The following PRND variants were observed in gnomAD, a reference collection of about 807,000 sequenced individuals.
PRND encodes the protein prion-like protein doppel.
For missense variants in PRND, 227 were observed against 223.3 expected, an observed-to-expected ratio of 1.02 and a Z score of -0.11; for synonymous variants, 94 against 93.2, an observed-to-expected ratio of 1.01 and a Z score of -0.05.
chr20:4,723,005 G>A (rs1923149485), intron 1 of PRND, among the ~76,000 whole-genome samples: 1 of 152,182 alleles, frequency 6.6e-6, no homozygotes, highest in Admixed American at 6.5e-5. Flanking sequence ...CCCTCCTGGT[G>A]TTCCCCCAGG....
At chr20:4,723,938 A>ATGTGTGTGTG (rs78289429) in intron 1 of PRND, among the ~76,000 whole-genome samples, 12 of 146,110 alleles carry the variant, frequency 8.2e-5, no homozygotes, top group African/African-American at 3.0e-4. Flanking sequence ...TCTCTAAAAT[A>ATGTGTGTGTG]TGTGTGTGTG....
Position 4,726,191 on chromosome 20 carries a change from A to G in PRND, c.*1109A>G, listed in dbSNP as rs990962295. On this transcript the variant is annotated 3_prime_UTR_variant, in exon 2 of 2. Transcript: ENST00000305817. ...TAAGTGCTTGCTGTTCCCATCCCTG[A>G]AACATTGCATGTATTTAAGAAAAAC... is the stretch of plus-strand genomic sequence containing the variant. 3.2e-5 allele frequency: 5 copies of G among 154,602 alleles called. No individual in the cohort carries two copies. The highest frequency in any genetic ancestry group is 1.1e-4 in the African/African-American group (4 of 36,616). 9.6% of individuals were successfully genotyped at this position (154,602 alleles called of 1,614,324 possible).
chr20:4,724,956 G>A lies in PRND; in HGVS notation c.405G>A (p.Leu135=), dbSNP rs754162451. ...NKLHQQVLWR[L]VQELCSLKHC... is the part of the protein sequence containing the mutation. ...TCCACCAGCAGGTGCTCTGGCGGCT[G>A]GTCCAGGAGCTCTGCTCCCTCAAGC... Residue 135 remains leucine, a synonymous_variant, in exon 2 of 2, where the codon CTG becomes CTA. Coordinates refer to ENST00000305817, the MANE Select transcript of PRND (RefSeq NM_012409.4). The surrounding 1 kb of genome is among the most constrained non-coding windows in gnomAD (Gnocchi z 4.8). 4.6e-5 allele frequency: 75 copies of A among 1,614,104 alleles called. No individual in the cohort carries two copies. The highest frequency in any genetic ancestry group is 6.1e-5 in the Non-Finnish European group (72 of 1,180,040).
rs1601040199 is a variant in PRND at position 4,726,816 on chromosome 20, A to G, written c.*1734A>G. 6.0e-6 allele frequency: 1 copy of G among 167,122 alleles called. No individual in the cohort carries two copies. Among genetic ancestry groups the G allele is most frequent in the Admixed American group, 6.5e-5 (1 of 15,286 alleles). The allele number at this position is 167,122 out of a possible 1,614,324, so 10.4% of individuals were successfully genotyped here. A position where few individuals can be genotyped will look rare whatever the true frequency, so the allele number is the denominator to read the frequency against. ...CTATCAGTGTTCTTCTCAAGGACAC[A>G]TTTGGAAGGTTTTAACATTGAAAGT... On this transcript the variant is annotated 3_prime_UTR_variant, in exon 2 of 2. Transcript: ENST00000305817.
At position 4,725,278 on chromosome 20, in the gene PRND, G is replaced by A. The variant is rs75734116; in HGVS notation, c.*196G>A. 6,711 of 665,936 alleles carry A rather than the reference G, an allele frequency of 0.01. 259 individuals are homozygous for A. Among genetic ancestry groups the A allele is most frequent in the East Asian group, 0.074 (2,650 of 36,032 alleles). The allele number at this position is 665,936 out of a possible 1,614,324, so 41.3% of individuals were successfully genotyped here. A position where few individuals can be genotyped will look rare whatever the true frequency, so the allele number is the denominator to read the frequency against. On this transcript the variant is annotated 3_prime_UTR_variant, in exon 2 of 2. Coordinates refer to ENST00000305817, the MANE Select transcript of PRND (RefSeq NM_012409.4). ...ATAGATGGGGGACTGTGGCTTCTCC[G>A]TCACTCCATTCTCAGCCCCTAGCAG...
chr20:4,723,936 ATATGTG>A (rs1190848919), intron 1 of PRND, among the ~76,000 whole-genome samples: 1 of 104,778 alleles, frequency 9.5e-6, no homozygotes, highest in Non-Finnish European at 1.9e-5. Flanking sequence ...TGTCTCTAAA[ATATGTG>A]TGTGTGTGTG....
chr20:4,722,399 G>A (rs1326162879), intron 1 of PRND, among the ~76,000 whole-genome samples: 1 of 151,992 alleles, frequency 6.6e-6, no homozygotes, highest in Non-Finnish European at 1.5e-5. Flanking sequence ...GAGAAAGTCA[G>A]TCTGAGTTCA....
Position 4,725,298 on chromosome 20 carries a change from T to TAGC in PRND, c.*219_*221dup. 1.6e-6 allele frequency: 1 copy of TAGC among 606,904 alleles called. No homozygotes were observed. The highest frequency in any genetic ancestry group is 2.2e-5 in the South Asian group (1 of 45,966). The allele number at this position is 606,904 out of a possible 1,614,324, so 37.6% of individuals were successfully genotyped here. On this transcript the variant is annotated 3_prime_UTR_variant, in exon 2 of 2. Coordinates refer to ENST00000305817, the MANE Select transcript of PRND (RefSeq NM_012409.4). ...TCTCCGTCACTCCATTCTCAGCCCC[T>TAGC]AGCAGAGCGTCTGGCACACTAGATT...
At position 4,727,018 on chromosome 20, in the gene PRND, A is replaced by T; in HGVS notation, c.*1936A>T. ...AGAGAGCAAGAAAAAAGTACAGAAC[A>T]TATCCTCTACGGTTATTTCCTGCTT... On this transcript the variant is annotated 3_prime_UTR_variant, in exon 2 of 2. Transcript: ENST00000305817. The T allele has an allele frequency of 6.0e-6, 1 of 167,198 alleles. No individual in the cohort carries two copies. The allele number at this position is 167,198 out of a possible 1,614,324, so 10.4% of individuals were successfully genotyped here.
At chr20:4,722,445 G>A (rs985567367) in intron 1 of PRND, among the ~76,000 whole-genome samples, 1 of 150,748 alleles carries the variant, frequency 6.6e-6, no homozygotes, top group Non-Finnish European at 1.5e-5. Flanking sequence ...GGGTGAGGGG[G>A]TCCAGATGCT....
At chr20:4,723,949 T>C (rs868369418) in intron 1 of PRND, among the ~76,000 whole-genome samples, 2,668 of 90,534 alleles carry the variant, frequency 0.029, 45 homozygotes, top group South Asian at 0.12. Context: ...TGTGTGTGTG[T>C]GTGTGTGTGT....
In PRND at chr20:4,727,792, A is replaced by ATTTTTTTTTTTTTT. The variant is rs1555784206; in HGVS notation, c.*2710_*2711insTTTTTTTTTTTTTT. 2.0e-5 allele frequency: 2 copies of ATTTTTTTTTTTTTT among 101,672 alleles called. No homozygotes were observed. Among genetic ancestry groups the ATTTTTTTTTTTTTT allele is most frequent in the African/African-American group, 4.9e-5 (1 of 20,264 alleles). The allele number at this position is 101,672 out of a possible 1,614,324, so 6.3% of individuals were successfully genotyped here. On this transcript the variant is annotated 3_prime_UTR_variant, in exon 2 of 2. Coordinates refer to ENST00000305817, the MANE Select transcript of PRND (RefSeq NM_012409.4). ...CAATGCTTTCTACTCATTTTTCTAT[A>ATTTTTTTTTTTTTT]CTTTTTTTTTTGAGGCAGAGTCTCA...
chr20:4,725,014 C>T lies in PRND; in HGVS notation c.463C>T (p.Leu155Phe). 1 of 1,613,606 alleles carries T rather than the reference C, an allele frequency of 6.2e-7. No homozygotes were observed. Among genetic ancestry groups the T allele is most frequent in the Non-Finnish European group, 8.5e-7 (1 of 1,179,946 alleles). Reference sequence around the variant, plus strand: ...GTTTTGGTTGGAGAGGGGCGCAGGACTTCGGGTCACCATGCACCAGCCAGT... The same window carrying T: ...GTTTTGGTTGGAGAGGGGCGCAGGATTTCGGGTCACCATGCACCAGCCAGT... ...CEFWLERGAG[L>F]RVTMHQPVLL... The change falls in exon 2 of 2, where the codon CTT becomes TTT. Residue 155 changes from leucine to phenylalanine, a missense_variant. Coordinates refer to ENST00000305817, the MANE Select transcript of PRND (RefSeq NM_012409.4).
Position 4,725,350 on chromosome 20 carries a change from A to C in PRND, c.*268A>C. 2.2e-6 allele frequency: 1 copy of C among 463,754 alleles called. No homozygotes were observed. Among genetic ancestry groups the C allele is most frequent in the Non-Finnish European group, 4.0e-6 (1 of 247,696 alleles). The allele number at this position is 463,754 out of a possible 1,614,324, so 28.7% of individuals were successfully genotyped here. ...GTAGTAAATGCTTGATGAGAAGAAC[A>C]CATCAGGCACTGCGCCACCTGCTTC... On this transcript the variant is annotated 3_prime_UTR_variant, in exon 2 of 2. Coordinates refer to ENST00000305817, the MANE Select transcript of PRND (RefSeq NM_012409.4).
intron 1 of PRND, among the ~76,000 whole-genome samples, chr20:4,723,969 T>G (rs1034091838): frequency 1.3e-5 from 2 of 150,050 alleles, no homozygotes; most frequent in African/African-American, 4.9e-5. Flanking sequence ...TGTGTGTGTG[T>G]GTGTGTATGT....
At position 4,723,758 on chromosome 20, in the gene PRND, C is replaced by A. The variant is rs138734765; in HGVS notation, c.-11-783C>A. 2.8e-3 allele frequency among the ~76,000 whole-genome samples: 431 copies of A among 151,978 alleles called. 3 individuals carry two copies. Among genetic ancestry groups the A allele is most frequent in the African/African-American group, 9.7e-3 (400 of 41,420 alleles). ...GAGCCTGGGCAACATAGTGAGACCCCGTTTCTACAACATGTATTTAAAAAT... is the reference window on the plus strand; with the variant it reads ...GAGCCTGGGCAACATAGTGAGACCCAGTTTCTACAACATGTATTTAAAAAT... On this transcript the variant is annotated intron_variant, in intron 1 of 1. Transcript: ENST00000305817.
rs1923317284 is a variant in PRND, at chr20:4,727,760, C to T, written c.*2678C>T. 6.2e-6 allele frequency: 1 copy of T among 161,068 alleles called. No homozygotes were observed. Among genetic ancestry groups the T allele is most frequent in the Non-Finnish European group, 1.5e-5 (1 of 67,024 alleles). 10.0% of individuals were successfully genotyped at this position (161,068 alleles called of 1,614,324 possible). A position where few individuals can be genotyped will look rare whatever the true frequency, so the allele number is the denominator to read the frequency against. ...TTTTATATTCTAAATTTTTACTTAACTTAATTCAATGCTTTCTACTCATTT... is the reference window on the plus strand; with the variant it reads ...TTTTATATTCTAAATTTTTACTTAATTTAATTCAATGCTTTCTACTCATTT... On this transcript the variant is annotated 3_prime_UTR_variant, in exon 2 of 2. Coordinates refer to ENST00000305817, the MANE Select transcript of PRND (RefSeq NM_012409.4).
At chr20:4,723,566 A>T (rs1923164576) in intron 1 of PRND, among the ~76,000 whole-genome samples, 1 of 152,208 alleles carries the variant, frequency 6.6e-6, no homozygotes, top group Non-Finnish European at 1.5e-5. Context: ...CTTTAGGATC[A>T]GCAGCCAGTG....
At chr20:4,722,742 C>T (rs1307633276) in intron 1 of PRND, among the ~76,000 whole-genome samples, 1 of 152,136 alleles carries the variant, frequency 6.6e-6, no homozygotes, top group African/African-American at 2.4e-5. Flanking sequence ...CATGGCCTCA[C>T]AGTAAGTCTT....
Sources: allele counts gnomAD v4.1 joint callset (sites outside exome capture counted in the v4.1 genomes callset), GRCh38; gene constraint gnomAD v4.1.1; non-coding constraint Gnocchi (gnomAD v3.1); transcripts MANE v1.5; gene names NCBI Gene and HGNC (gene_info 2026-07-23, HGNC 2026-07-21).